Variants in DCAF6 observed in about 807,000 individuals in gnomAD.
DCAF6 encodes the protein DDB1- and CUL4-associated factor 6.
DCAF6 carries 54 observed loss-of-function variants against 125.1 expected under a neutral mutation model. The observed-to-expected ratio is 0.43, with a 90% CI of 0.35 to 0.54. The LOEUF (loss-of-function observed/expected upper bound fraction) is 0.54, where lower values mean the gene tolerates loss of function less well. DCAF6 is among the 20% of genes least tolerant of loss of function. DCAF6 has a pLI of 0.01. For missense variants in DCAF6, 934 were observed against 1,161.7 expected, an observed-to-expected ratio of 0.80 and a Z score of 2.85; for synonymous variants, 371 against 390.4, an observed-to-expected ratio of 0.95 and a Z score of 0.58.
At chr1:168,073,681 C>T (rs538182618) in intron 21 of DCAF6, among the ~76,000 whole-genome samples, 4 of 151,984 alleles carry the variant, frequency 2.6e-5, no homozygotes, top group South Asian at 2.1e-4. Context: ...TGAGATAGGC[C>T]GTTACTGCTT....
chr1:168,059,150 A>G (rs1691274142), intron 17 of DCAF6, among the ~76,000 whole-genome samples: 1 of 151,886 alleles, frequency 6.6e-6, no homozygotes, highest in African/African-American at 2.4e-5. Flanking sequence ...TTCCTTTTGA[A>G]GTTTTACTTT....
intron 10 of DCAF6, among the ~76,000 whole-genome samples, chr1:168,009,231 C>T (rs1217007134): frequency 6.6e-6 from 1 of 151,974 alleles, no homozygotes; most frequent in Non-Finnish European, 1.5e-5. Flanking sequence ...ATCTCCTGAC[C>T]TTGTGATCCG....
At chr1:168,041,648 A>G (rs1688543178) in intron 13 of DCAF6, among the ~76,000 whole-genome samples, 1 of 151,920 alleles carries the variant, frequency 6.6e-6, no homozygotes, top group African/African-American at 2.4e-5. Flanking sequence ...GTGTGATTTA[A>G]AATGCCATAT....
the DCAF6 span, chr1:167,883,643 G>A: frequency 1.6e-4 from 251 of 1,613,948 alleles, no homozygotes; most frequent in Middle Eastern, 1.6e-4. Flanking sequence ...AAAGTAGAGA[G>A]CAGCTTTCTG....
the DCAF6 span, among the ~76,000 whole-genome samples, chr1:167,916,023 A>G: frequency 6.6e-6 from 1 of 151,810 alleles, no homozygotes; most frequent in Non-Finnish European, 1.5e-5. Flanking sequence ...AAAAGCTGTG[A>G]TAAAGAATTC....
At chr1:167,875,018 T>C in the DCAF6 span, 35 of 921,786 alleles carry the variant, frequency 3.8e-5, no homozygotes, top group South Asian at 4.6e-4. Flanking sequence ...GGATGATGAT[T>C]ATATTTTCAT....
upstream of DCAF6, among the ~76,000 whole-genome samples, chr1:167,935,223 C>CT (rs1557858620): frequency 6.6e-6 from 1 of 152,176 alleles, no homozygotes; most frequent in African/African-American, 2.4e-5. Context: ...AGAAATGACA[C>CT]TGACTCAAGC....
At chr1:168,025,626 A>G (rs1379832495) in intron 12 of DCAF6, among the ~76,000 whole-genome samples, 2 of 152,190 alleles carry the variant, frequency 1.3e-5, no homozygotes, top group African/African-American at 2.4e-5. Context: ...TTCACATTGC[A>G]GGCTCACATT....
chr1:168,052,071 AG>A (rs1385311443), intron 17 of DCAF6, among the ~76,000 whole-genome samples: 1 of 152,036 alleles, frequency 6.6e-6, no homozygotes. Flanking sequence ...TAGTAGAGAC[AG>A]GGTTGGTCAC....
At chr1:167,880,205 G>C in the DCAF6 span, 10 of 1,606,278 alleles carry the variant, frequency 6.2e-6, no homozygotes, top group Admixed American at 3.4e-5. Context: ...GTGCAGGGGA[G>C]ACAAGATTTG....
At chr1:168,008,670 C>CA (rs1375693174) in intron 10 of DCAF6, among the ~76,000 whole-genome samples, 1 of 151,982 alleles carries the variant, frequency 6.6e-6, no homozygotes, top group Non-Finnish European at 1.5e-5. Context: ...AAAAAAAAAT[C>CA]AAACTCCTCA....
At chr1:168,046,563 G>A (rs1689174964) in intron 16 of DCAF6, among the ~76,000 whole-genome samples, 1 of 152,106 alleles carries the variant, frequency 6.6e-6, no homozygotes, top group Admixed American at 6.5e-5. Context: ...TATACTTAGA[G>A]ATTAATCAAA....
At chr1:167,966,855 A>ATAATTTAGAGGTTCTTAGG (rs1245945651) in intron 3 of DCAF6, 134 bp downstream of exon 3, 10 of 598,318 alleles carry the variant, frequency 1.7e-5, no homozygotes, top group Non-Finnish European at 2.7e-5. Context: ...GGTTTATTGT[A>ATAATTTAGAGGTTCTTAGG]TAATTTAGAG....
At chr1:168,029,723 G>A (rs1002960874) in intron 12 of DCAF6, among the ~76,000 whole-genome samples, 1 of 152,166 alleles carries the variant, frequency 6.6e-6, no homozygotes, top group African/African-American at 2.4e-5. Flanking sequence ...GCTCACGCCT[G>A]TAATCCCAGT....
intron 9 of DCAF6, 68 bp downstream of exon 9, chr1:168,004,057 T>C: frequency 6.4e-7 from 1 of 1,550,720 alleles, no homozygotes; most frequent in East Asian, 2.3e-5. Flanking sequence ...CCAGTTTTTA[T>C]TTCTATCATG....
the DCAF6 span, among the ~76,000 whole-genome samples, chr1:167,924,895 G>A: frequency 2.0e-5 from 3 of 152,138 alleles, no homozygotes; most frequent in Non-Finnish European, 4.4e-5. Flanking sequence ...TGAACCCAGT[G>A]ATAACACCCC....
the DCAF6 span, chr1:167,920,491 A>C: frequency 3.8e-6 from 6 of 1,569,866 alleles, no homozygotes; most frequent in Non-Finnish European, 4.3e-6. Context: ...GATATAAAAG[A>C]AAACAAAAAT....
chr1:167,961,534 C>T (rs1487987782), intron 2 of DCAF6, among the ~76,000 whole-genome samples: 2 of 151,866 alleles, frequency 1.3e-5, no homozygotes, highest in East Asian at 3.9e-4. Context: ...AGCCACTGTG[C>T]CTGGCCTCCA....
chr1:168,052,183 C>A (rs939489484), intron 17 of DCAF6, among the ~76,000 whole-genome samples: 1 of 152,206 alleles, frequency 6.6e-6, no homozygotes, highest in Non-Finnish European at 1.5e-5. Flanking sequence ...CGCATCTGGC[C>A]TAGTTATCAC....
Sources: allele counts gnomAD v4.1 joint callset (sites outside exome capture counted in the v4.1 genomes callset), GRCh38; gene constraint gnomAD v4.1.1; transcripts MANE v1.5; gene names NCBI Gene and HGNC (gene_info 2026-07-23, HGNC 2026-07-21).